KHDRBS3: variants seen among roughly 807,000 people sequenced by gnomAD.
KHDRBS3 encodes the protein KH domain-containing, RNA-binding, signal transduction-associated protein 3.
In KHDRBS3, 23 loss-of-function variants were observed where a neutral mutation model predicts 45.6. That is an observed-to-expected ratio of 0.50 (90% CI 0.36 to 0.72). The LOEUF (loss-of-function observed/expected upper bound fraction) is 0.72. KHDRBS3 is among the 30% of genes least tolerant of loss of function. The pLI is 0.00. For missense variants in KHDRBS3, 352 were observed against 424.8 expected, an observed-to-expected ratio of 0.83 and a Z score of 1.51; for synonymous variants, 162 against 156.5, an observed-to-expected ratio of 1.04 and a Z score of -0.26.
At chr8:135,605,070 C>G (rs1222279913) in intron 6 of KHDRBS3, among the ~76,000 whole-genome samples, 1 of 151,878 alleles carries the variant, frequency 6.6e-6, no homozygotes, top group Non-Finnish European at 1.5e-5. Context: ...AAGATTCTGT[C>G]TTTGTCTTTC....
chr8:135,500,696 A>G (rs1480759946), intron 1 of KHDRBS3, among the ~76,000 whole-genome samples: 3 of 152,226 alleles, frequency 2.0e-5, no homozygotes, highest in Non-Finnish European at 4.4e-5. Context: ...ACATCTGCTG[A>G]TGGTTTAAGA....
chr8:135,504,213 ACTCT>A (rs1357063755), intron 1 of KHDRBS3, among the ~76,000 whole-genome samples: 2 of 151,772 alleles, frequency 1.3e-5, no homozygotes, highest in African/African-American at 2.4e-5. Flanking sequence ...ATTAATTTTG[ACTCT>A]CTTACTGCAG....
intron 6 of KHDRBS3, among the ~76,000 whole-genome samples, chr8:135,596,836 C>T (rs977164703): frequency 1.5e-4 from 23 of 152,142 alleles, no homozygotes; most frequent in African/African-American, 4.3e-4. Flanking sequence ...GTTAGATCAG[C>T]GAAGCGTGAA....
At chr8:135,522,317 T>C (rs1286421881) in intron 2 of KHDRBS3, among the ~76,000 whole-genome samples, 1 of 152,224 alleles carries the variant, frequency 6.6e-6, no homozygotes, top group African/African-American at 2.4e-5. Flanking sequence ...CCATAGTGTA[T>C]ATGTACCACA....
At chr8:135,489,981 C>T (rs1024311124) in intron 1 of KHDRBS3, among the ~76,000 whole-genome samples, 5 of 152,022 alleles carry the variant, frequency 3.3e-5, no homozygotes, top group Non-Finnish European at 5.9e-5. Flanking sequence ...TTTACTGTTC[C>T]TTTTCCTTTT....
chr8:135,543,445 A>G (rs1349968805), intron 3 of KHDRBS3, among the ~76,000 whole-genome samples: 1 of 152,184 alleles, frequency 6.6e-6, no homozygotes, highest in Non-Finnish European at 1.5e-5. Context: ...AAAGATTTAT[A>G]TTACTGAGAA....
intron 7 of KHDRBS3, among the ~76,000 whole-genome samples, chr8:135,634,332 TCA>T (rs1830723739): frequency 6.6e-6 from 1 of 152,188 alleles, no homozygotes; most frequent in Non-Finnish European, 1.5e-5. Flanking sequence ...TGTCTAACAG[TCA>T]GGTTCACAAT....
At chr8:135,645,374 G>C (rs1203219546) in intron 8 of KHDRBS3, among the ~76,000 whole-genome samples, 1 of 152,182 alleles carries the variant, frequency 6.6e-6, no homozygotes. Context: ...GCCGTGTGCT[G>C]ATTTTCTCAC....
chr8:135,621,151 A>G (rs10875376), intron 7 of KHDRBS3, among the ~76,000 whole-genome samples: 125,957 of 145,652 alleles, frequency 0.86, 54,599 homozygotes, highest in East Asian at 1. Context: ...GGAGGATGGG[A>G]GGGTGCCAAG....
intron 1 of KHDRBS3, chr8:135,458,980 G>C (rs1800939191): frequency 2.2e-6 from 1 of 456,074 alleles, no homozygotes; most frequent in African/African-American, 2.0e-5. Context: ...GATGAAGATG[G>C]GTGTGGGTGC....
At chr8:135,555,679 CTG>C (rs1185874631) in intron 4 of KHDRBS3, among the ~76,000 whole-genome samples, 4 of 152,122 alleles carry the variant, frequency 2.6e-5, no homozygotes, top group African/African-American at 9.7e-5. Flanking sequence ...AAGCAGTTGA[CTG>C]TAACTTATAT....
chr8:135,556,824 GT>G (rs1256433115), intron 4 of KHDRBS3, among the ~76,000 whole-genome samples: 1 of 152,150 alleles, frequency 6.6e-6, no homozygotes. Flanking sequence ...CACTCCTAGA[GT>G]TTCGTAGTTG....
intron 1 of KHDRBS3, among the ~76,000 whole-genome samples, chr8:135,505,122 GT>G (rs1172312830): frequency 6.6e-6 from 1 of 152,136 alleles, no homozygotes; most frequent in Non-Finnish European, 1.5e-5. Context: ...TTCTTAAAAA[GT>G]TTAGCTATTT....
At chr8:135,553,082 G>A in intron 4 of KHDRBS3, among the ~76,000 whole-genome samples, 1 of 152,148 alleles carries the variant, frequency 6.6e-6, no homozygotes, top group East Asian at 1.9e-4. Context: ...CCAGAGGTGT[G>A]TGGCGAGCTT....
chr8:135,584,621 T>C (rs1247162713), intron 6 of KHDRBS3, among the ~76,000 whole-genome samples: 10 of 152,240 alleles, frequency 6.6e-5, no homozygotes, highest in Admixed American at 5.9e-4. Context: ...TTTTTCAGTA[T>C]AGTAAAAGCT....
At chr8:135,482,294 T>C (rs1822619724) in intron 1 of KHDRBS3, among the ~76,000 whole-genome samples, 1 of 152,150 alleles carries the variant, frequency 6.6e-6, no homozygotes, top group Admixed American at 6.5e-5. Flanking sequence ...TAATTAACAA[T>C]AATATATGCA....
intron 1 of KHDRBS3, among the ~76,000 whole-genome samples, chr8:135,501,722 T>C (rs575274673): frequency 6.6e-6 from 1 of 152,224 alleles, no homozygotes; most frequent in South Asian, 2.1e-4. Flanking sequence ...TTGTTCTTCT[T>C]CTTTCATAGA....
intron 5 of KHDRBS3, among the ~76,000 whole-genome samples, chr8:135,559,908 C>G (rs1234292222): frequency 6.6e-6 from 1 of 151,940 alleles, no homozygotes; most frequent in Non-Finnish European, 1.5e-5. Flanking sequence ...ACAGAAAATG[C>G]ATATAGATAA....
At chr8:135,557,645 T>G in intron 5 of KHDRBS3, 58 bp downstream of exon 5, 1 of 1,327,512 alleles carries the variant, frequency 7.5e-7, no homozygotes, top group African/African-American at 1.5e-5. Flanking sequence ...AATATTTCCT[T>G]TATTAGTAGC....
Sources: gnomAD v4.1 joint callset for allele counts (sites outside exome capture counted in the v4.1 genomes callset) on GRCh38, gnomAD v4.1.1 for gene constraint, MANE v1.5 for transcripts, NCBI Gene and HGNC (gene_info 2026-07-23, HGNC 2026-07-21) for gene names.